Variants in GLIPR2 observed in about 807,000 individuals in gnomAD.
GLIPR2 encodes GLI pathogenesis related 2.
GLIPR2 carries 21 observed loss-of-function variants against 20.4 expected under a neutral mutation model. The ratio of observed to expected loss-of-function variants is 1.03; its 90% CI spans 0.73 to 1.48. GLIPR2 has a LOEUF of 1.48. Among genes scored for constraint, GLIPR2 ranks in the 40% most tolerant of loss-of-function variants. GLIPR2 has a pLI of 0.00. For missense variants in GLIPR2, 205 were observed against 200.1 expected (o/e 1.02, Z -0.15); for synonymous variants, 91 against 80.5 (o/e 1.13, Z -0.70).
rs1294134400 is a variant in GLIPR2 at position 36,163,684 on chromosome 9, C to T, written c.*1162C>T. The T allele has an allele frequency of 6.6e-6, 1 of 152,670 alleles. No individual in the cohort carries two copies. Among genetic ancestry groups the T allele is most frequent in the East Asian group, 1.9e-4 (1 of 5,204 alleles). The allele number at this position is 152,670 out of a possible 1,614,324, so 9.5% of individuals were successfully genotyped here. On this transcript the variant is annotated 3_prime_UTR_variant, in exon 5 of 5. Transcript: ENST00000377960. ...AAGGTCCATGTGGGAGGGACCAACC[C>T]AGATGCCCTGCTGAGTGTCCCTGAA...
At chr9:36,143,468 C>G (rs1825180160) in intron 1 of GLIPR2, among the ~76,000 whole-genome samples, 1 of 152,204 alleles carries the variant, frequency 6.6e-6, no homozygotes, top group Admixed American at 6.5e-5. Flanking sequence ...CTGTCTGGGA[C>G]ATGGGAGCTA....
At chr9:36,156,471 C>T (rs2132774901) in intron 4 of GLIPR2, among the ~76,000 whole-genome samples, 1 of 148,186 alleles carries the variant, frequency 6.7e-6, no homozygotes, top group East Asian at 2.0e-4. Flanking sequence ...TTTAGGTATA[C>T]AGTTCAGTGG....
chr9:36,163,037 C>G lies in GLIPR2; in HGVS notation c.*515C>G. The G allele has an allele frequency of 5.3e-6, 2 of 378,154 alleles. No homozygotes were observed. The highest frequency in any genetic ancestry group is 1.9e-5 in the South Asian group (1 of 51,592). The allele number at this position is 378,154 out of a possible 1,614,324, so 23.4% of individuals were successfully genotyped here. On this transcript the variant is annotated 3_prime_UTR_variant, in exon 5 of 5. Coordinates refer to ENST00000377960, the MANE Select transcript of GLIPR2 (RefSeq NM_022343.4). ...GCTTCCATCAGGAACATGGAGCAGGCAGGGACTCCATTTTACAGAATTACT... is the reference window on the plus strand; with the variant it reads ...GCTTCCATCAGGAACATGGAGCAGGGAGGGACTCCATTTTACAGAATTACT...
At chr9:36,138,024 G>T (rs1824905247) in intron 1 of GLIPR2, among the ~76,000 whole-genome samples, 1 of 152,234 alleles carries the variant, frequency 6.6e-6, no homozygotes, top group Non-Finnish European at 1.5e-5. Context: ...TACAATGAGG[G>T]TGGCCGTATG....
intron 4 of GLIPR2, among the ~76,000 whole-genome samples, chr9:36,157,946 A>G (rs1825909716): frequency 6.6e-6 from 1 of 151,574 alleles, no homozygotes; most frequent in African/African-American, 2.4e-5. Flanking sequence ...CCCAGTAGCT[A>G]GGATTACAGG....
Position 36,162,762 on chromosome 9 carries a change from G to T in GLIPR2, c.*240G>T. ...TACCTAGACCACGATTATTTGGATTGGGGGGAGGGGGGATCCGTTTTTTTT... is the reference window on the plus strand; with the variant it reads ...TACCTAGACCACGATTATTTGGATTTGGGGGAGGGGGGATCCGTTTTTTTT... On this transcript the variant is annotated 3_prime_UTR_variant, in exon 5 of 5. Transcript: ENST00000377960. 1 of 579,198 alleles carries T rather than the reference G, an allele frequency of 1.7e-6. No homozygotes were observed. The highest frequency in any genetic ancestry group is 3.1e-6 in the Non-Finnish European group (1 of 326,998). The allele number at this position is 579,198 out of a possible 1,614,324, so 35.9% of individuals were successfully genotyped here.
chr9:36,148,310 T>C (rs1347263965), intron 2 of GLIPR2, among the ~76,000 whole-genome samples: 4 of 151,796 alleles, frequency 2.6e-5, no homozygotes, highest in African/African-American at 9.7e-5. Flanking sequence ...GGATCAGATA[T>C]AACCACACTT....
chr9:36,136,630 C>A, upstream of GLIPR2: 1 of 537,604 alleles, frequency 1.9e-6, no homozygotes, highest in South Asian at 9.5e-5. This position sits in a 1 kb window ranked among gnomAD's most constrained non-coding sequence, Gnocchi z 4.3. Flanking sequence ...CGCCTCCGCC[C>A]TCAGCTGTCG....
intron 1 of GLIPR2, among the ~76,000 whole-genome samples, chr9:36,145,528 G>A (rs1314173391): frequency 7.2e-5 from 11 of 152,234 alleles, no homozygotes; most frequent in Admixed American, 7.2e-4. Context: ...TCAGAGAGCA[G>A]ATGAACAGTT....
intron 4 of GLIPR2, among the ~76,000 whole-genome samples, chr9:36,152,094 G>A (rs1025203752): frequency 6.6e-6 from 1 of 152,172 alleles, no homozygotes; most frequent in African/African-American, 2.4e-5. Context: ...ATGTTGCATT[G>A]CATTGTTCCT....
chr9:36,137,869 G>A (rs1018361704), intron 1 of GLIPR2, among the ~76,000 whole-genome samples: 1 of 152,234 alleles, frequency 6.6e-6, no homozygotes, highest in African/African-American at 2.4e-5. Context: ...AGATGCCAGC[G>A]CTGGGCGCAA....
At chr9:36,139,424 C>G (rs1301472083) in intron 1 of GLIPR2, among the ~76,000 whole-genome samples, 1 of 152,118 alleles carries the variant, frequency 6.6e-6, no homozygotes, top group East Asian at 1.9e-4. Flanking sequence ...CGAGAGCCCC[C>G]AGAATAGTAT....
At position 36,148,543 on chromosome 9, in the gene GLIPR2, G is replaced by C. The variant is rs947242287; in HGVS notation, c.123-4G>C. 1 of 1,611,122 alleles carries C rather than the reference G, an allele frequency of 6.2e-7. No homozygotes were observed. The highest frequency in any genetic ancestry group is 8.5e-7 in the Non-Finnish European group (1 of 1,177,456). On this transcript the variant is annotated splice_polypyrimidine_tract_variant and splice_region_variant and intron_variant, in intron 2 of 4. Transcript: ENST00000377960. ...GCTCTGAGGAGGCGCTGTGAACTCTGCAGGTATTCTGAGGCCCTGGCCAGC... is the reference window on the plus strand; with the variant it reads ...GCTCTGAGGAGGCGCTGTGAACTCTCCAGGTATTCTGAGGCCCTGGCCAGC...
Position 36,148,779 on chromosome 9 carries a change from A to C in GLIPR2, c.226+129A>C. 4.6e-6 allele frequency: 3 copies of C among 651,408 alleles called. No individual in the cohort carries two copies. The South Asian group carries it at 5.3e-5, about 11-fold the overall frequency. 40.4% of individuals were successfully genotyped at this position (651,408 alleles called of 1,614,324 possible). On this transcript the variant is annotated intron_variant, in intron 3 of 4. Coordinates refer to ENST00000377960, the MANE Select transcript of GLIPR2 (RefSeq NM_022343.4). ...GCCCAGGAAAGGAAAGAAAAACCAG[A>C]GCTCTCTGAATCTGCTCCCAGGCTG...
Position 36,163,309 on chromosome 9 carries a change from T to C in GLIPR2, c.*787T>C. 1 of 186,818 alleles carries C rather than the reference T, an allele frequency of 5.4e-6. No homozygotes were observed. Among genetic ancestry groups the C allele is most frequent in the East Asian group, 1.7e-4 (1 of 5,894 alleles). 11.6% of individuals were successfully genotyped at this position (186,818 alleles called of 1,614,324 possible). On this transcript the variant is annotated 3_prime_UTR_variant, in exon 5 of 5. Transcript: ENST00000377960. ...GTTGGGCTAGGCCTGAAGCTCCCCCTCCCCCACCTCTGCTAGGCAGCCCAG... is the reference window on the plus strand; with the variant it reads ...GTTGGGCTAGGCCTGAAGCTCCCCCCCCCCCACCTCTGCTAGGCAGCCCAG...
chr9:36,154,368 T>C (rs1587150651), intron 4 of GLIPR2, among the ~76,000 whole-genome samples: 1 of 152,172 alleles, frequency 6.6e-6, no homozygotes, highest in African/African-American at 2.4e-5. Context: ...GTCCTGTGCT[T>C]ACACCAGCAT....
chr9:36,137,130 C>T (rs952343102), intron 1 of GLIPR2, among the ~76,000 whole-genome samples: 2 of 152,204 alleles, frequency 1.3e-5, no homozygotes, highest in African/African-American at 4.8e-5. Context: ...CAACAGCTCT[C>T]GCTGCGAAGC....
In GLIPR2 at chr9:36,162,415, G is replaced by C; in HGVS notation, c.358G>C (p.Ala120Pro). The part of the protein sequence containing the change: ...KNTKKMGVGK[A>P]SASDGSSFVV... ...CACCAAGAAGATGGGCGTGGGGAAG[G>C]CGTCCGCAAGTGACGGGTCCTCCTT... The change falls in exon 5 of 5, where the codon GCG (alanine) becomes CCG (proline). Residue 120 changes from alanine to proline, a missense_variant. By Grantham distance (27) the Ala-to-Pro change is conservative. Transcript: ENST00000377960. 6.2e-7 allele frequency: 1 copy of C among 1,613,992 alleles called. No homozygotes were observed. The highest frequency in any genetic ancestry group is 8.5e-7 in the Non-Finnish European group (1 of 1,179,926).
At chr9:36,142,485 C>T (rs372281840) in intron 1 of GLIPR2, among the ~76,000 whole-genome samples, 204 of 152,268 alleles carry the variant, frequency 1.3e-3, no homozygotes, top group African/African-American at 4.7e-3. Flanking sequence ...TAAGATCATG[C>T]GTAGGCCCAG....
Sources: allele counts gnomAD v4.1 joint callset (sites outside exome capture counted in the v4.1 genomes callset), GRCh38; gene constraint gnomAD v4.1.1; non-coding constraint Gnocchi (gnomAD v3.1); transcripts MANE v1.5; gene names NCBI Gene and HGNC (gene_info 2026-07-23, HGNC 2026-07-21).